Variants in COL28A1 observed in about 807,000 individuals in gnomAD.
COL28A1 encodes the protein collagen alpha-1(XXVIII) chain.
COL28A1 carries 161 observed loss-of-function variants against 150.2 expected under a neutral mutation model. The ratio of observed to expected loss-of-function variants is 1.07; its 90% CI spans 0.94 to 1.22. The LOEUF is 1.22. Among genes scored for constraint, COL28A1 ranks in the 50% most tolerant of loss-of-function variants. The probability of loss-of-function intolerance (pLI) is 0.00; values close to 1 mark genes in which losing one functional copy is unlikely to be tolerated. For missense variants in COL28A1, 1,617 were observed against 1,388.3 expected (o/e 1.16, Z -2.62); for synonymous variants, 552 against 469.7 (o/e 1.18, Z -2.26).
At chr7:7,357,871 C>T (rs1046358616), downstream of COL28A1, 1 of 152,124 alleles carries the variant, frequency 6.6e-6, no homozygotes, top group Non-Finnish European at 1.5e-5. Context: ...ATGCCAACTT[C>T]AAGTGGTTCC....
At chr7:7,346,313 A>T in the COL28A1 span, among the ~76,000 whole-genome samples, 1 of 152,028 alleles carries the variant, frequency 6.6e-6, no homozygotes, top group South Asian at 2.1e-4. Context: ...GATTTGCCCA[A>T]ATAAAGTAGT....
intron 27 of COL28A1, among the ~76,000 whole-genome samples, chr7:7,406,278 T>C (rs1783488346): frequency 6.6e-6 from 1 of 152,192 alleles, no homozygotes; most frequent in South Asian, 2.1e-4. Context: ...GAATGAATCA[T>C]TTTGTGGGTC....
Position 7,370,513 on chromosome 7 carries a change from T to C in COL28A1, c.3066+212A>G, listed in dbSNP as rs1003356810. ...ATCAGCAACATTTAATAAATACTTA[T>C]AAAATATGCAAGTTTTTAAAAATAT... is the stretch of plus-strand genomic sequence containing the variant. On this transcript the variant is annotated intron_variant, in intron 33 of 34. Transcript: ENST00000399429. 6.6e-6 allele frequency among the ~76,000 whole-genome samples: 1 copy of C among 152,140 alleles called. No homozygotes were observed. Among genetic ancestry groups the C allele is most frequent in the African/African-American group, 2.4e-5 (1 of 41,414 alleles).
intron 18 of COL28A1, among the ~76,000 whole-genome samples, chr7:7,451,677 T>C (rs1459064510): frequency 6.6e-6 from 1 of 152,182 alleles, no homozygotes; most frequent in African/African-American, 2.4e-5. Context: ...TTTGTATACA[T>C]ACATACACAG....
At chr7:7,513,801 G>A (rs530054550) in intron 8 of COL28A1, among the ~76,000 whole-genome samples, 1 of 152,140 alleles carries the variant, frequency 6.6e-6, no homozygotes, top group African/African-American at 2.4e-5. Flanking sequence ...TTTTTGGGGG[G>A]CACAGATTGC....
intron 15 of COL28A1, among the ~76,000 whole-genome samples, chr7:7,465,646 G>C (rs973751843): frequency 1.7e-5 from 2 of 116,302 alleles, no homozygotes; most frequent in Admixed American, 9.0e-5. Flanking sequence ...TCCACCTCTG[G>C]GGGCAGGGCA....
At chr7:7,432,919 A>G (rs1409062741) in intron 23 of COL28A1, among the ~76,000 whole-genome samples, 1 of 150,318 alleles carries the variant, frequency 6.7e-6, no homozygotes, top group African/African-American at 2.5e-5. Context: ...GCACAATGTG[A>G]GAAGAGTAGA....
chr7:7,480,006 T>G (rs76439095), intron 13 of COL28A1, among the ~76,000 whole-genome samples: 1 of 152,190 alleles, frequency 6.6e-6, no homozygotes, highest in East Asian at 1.9e-4. Context: ...GAAATAAACC[T>G]ATGATGGAAC....
chr7:7,384,704 G>A (rs981461717), intron 27 of COL28A1, among the ~76,000 whole-genome samples: 2 of 152,176 alleles, frequency 1.3e-5, no homozygotes, highest in Non-Finnish European at 2.9e-5. Context: ...CAGATAAGGA[G>A]GGACTACTGT....
chr7:7,473,783 A>T (rs997532225), intron 15 of COL28A1, among the ~76,000 whole-genome samples: 1 of 152,020 alleles, frequency 6.6e-6, no homozygotes, highest in Admixed American at 6.6e-5. Flanking sequence ...CATGGAACCA[A>T]CCCAAATGCC....
Position 7,358,787 on chromosome 7 carries a change from G to C in COL28A1, c.3224C>G (p.Ala1075Gly), listed in dbSNP as rs372179491. The C allele has an allele frequency of 1.9e-6, 3 of 1,613,670 alleles. No individual in the cohort carries two copies. The highest frequency in any genetic ancestry group is 2.7e-5 in the African/African-American group (2 of 74,982). The change falls in exon 35 of 35, where the codon GCC becomes GGC. Residue 1075 changes from alanine to glycine, a missense_variant. By Grantham distance (60) the Ala-to-Gly change is moderately conservative. Transcript: ENST00000399429. ...DGAEDPRCLE[A>G]LKPGNCGEYV... Reference sequence around the variant, plus strand: ...TTCACCACAGTTTCCAGGCTTCAAGGCTTCCAAACATCTAGGATCTAGAGT... The same window carrying C: ...TTCACCACAGTTTCCAGGCTTCAAGCCTTCCAAACATCTAGGATCTAGAGT...
chr7:7,342,444 G>A, the COL28A1 span, among the ~76,000 whole-genome samples: 47 of 151,998 alleles, frequency 3.1e-4, no homozygotes, highest in African/African-American at 1.1e-3. Context: ...TTATGAATAC[G>A]TTTTGGTTTA....
intron 13 of COL28A1, among the ~76,000 whole-genome samples, chr7:7,486,776 C>T (rs1779646327): frequency 6.6e-6 from 1 of 152,130 alleles, no homozygotes; most frequent in Admixed American, 6.5e-5. Context: ...AGGCTTGCAT[C>T]CACAGGATAA....
At chr7:7,420,968 T>C (rs1784366791) in intron 25 of COL28A1, among the ~76,000 whole-genome samples, 1 of 152,200 alleles carries the variant, frequency 6.6e-6, no homozygotes, top group Non-Finnish European at 1.5e-5. Context: ...TGCCAAATGA[T>C]ACAGTCATTT....
chr7:7,494,931 T>C (rs1391930345), intron 11 of COL28A1, among the ~76,000 whole-genome samples: 3 of 152,044 alleles, frequency 2.0e-5, no homozygotes, highest in Non-Finnish European at 2.9e-5. Flanking sequence ...GAAACAAAAG[T>C]TACAGAAGAA....
the COL28A1 span, among the ~76,000 whole-genome samples, chr7:7,347,725 AG>A: frequency 5.3e-5 from 8 of 152,252 alleles, no homozygotes; most frequent in African/African-American, 1.9e-4. Flanking sequence ...TGTGGAGAAG[AG>A]ACAGAGGAAA....
intron 13 of COL28A1, among the ~76,000 whole-genome samples, chr7:7,486,188 T>G (rs1267430740): frequency 1.3e-5 from 2 of 152,150 alleles, no homozygotes; most frequent in Admixed American, 1.3e-4. Context: ...TACCCAAGTA[T>G]TTTCTTTTTT....
chr7:7,449,344 C>G (rs992948356), intron 18 of COL28A1, among the ~76,000 whole-genome samples: 16 of 151,790 alleles, frequency 1.1e-4, no homozygotes, highest in African/African-American at 2.4e-5. Context: ...TTGATAAAAT[C>G]CAGTAATCAT....
chr7:7,484,863 G>A (rs1231716429), intron 13 of COL28A1, among the ~76,000 whole-genome samples: 4 of 152,076 alleles, frequency 2.6e-5, no homozygotes. Flanking sequence ...GCTTATCCTT[G>A]GCAAACTAAC....
Sources: allele counts gnomAD v4.1 joint callset (sites outside exome capture counted in the v4.1 genomes callset), GRCh38; gene constraint gnomAD v4.1.1; transcripts MANE v1.5; gene names NCBI Gene and HGNC (gene_info 2026-07-23, HGNC 2026-07-21).